Variants in ANKRD31 observed in about 807,000 individuals in gnomAD.
The protein encoded by ANKRD31 is ankyrin repeat domain 31, also known as ankyrin repeat domain-containing protein 31.
ANKRD31 carries 147 observed loss-of-function variants against 186.0 expected under a neutral mutation model. The ratio of observed to expected loss-of-function variants is 0.79; its 90% confidence interval spans 0.69 to 0.91. The LOEUF is 0.91. Among genes scored for constraint, ANKRD31 ranks in the 40% least tolerant of loss-of-function variants. The pLI is 0.00. For missense variants in ANKRD31, 1,986 were observed against 2,148.8 expected, an observed-to-expected ratio of 0.92 and a Z score of 1.50; for synonymous variants, 673 against 736.4, an observed-to-expected ratio of 0.91 and a Z score of 1.39.
intron 10 of ANKRD31, among the ~76,000 whole-genome samples, chr5:75,183,449 T>C (rs1354965291): frequency 6.6e-6 from 1 of 152,018 alleles, no homozygotes; most frequent in Non-Finnish European, 1.5e-5. Flanking sequence ...ATAAAAGGTG[T>C]CCAAATGGGA....
Position 75,118,940 on chromosome 5 carries a change from T to C in ANKRD31, c.3877-643A>G, listed in dbSNP as rs374907696. Among the ~76,000 whole-genome samples, 3 of 152,166 alleles carry C rather than the reference T, an allele frequency of 2.0e-5. No homozygotes were observed. The East Asian group carries it at 5.8e-4, about 29-fold the overall frequency. ...TTCAGGGCTATATTACAAACAACAT[T>C]ATAAATTGTGATTAGACATAGTTGA... is the stretch of plus-strand genomic sequence containing the variant. On this transcript the variant is annotated intron_variant, in intron 17 of 25. Transcript: ENST00000506364.
intron 11 of ANKRD31, among the ~76,000 whole-genome samples, chr5:75,163,771 T>C (rs917221565): frequency 6.6e-5 from 10 of 152,178 alleles, no homozygotes; most frequent in Non-Finnish European, 1.2e-4. Flanking sequence ...TGAAAAGCCA[T>C]GGGCAAGCTT....
chr5:75,080,734 C>T, intron 24 of ANKRD31, 95 bp from the exon 25 acceptor site: 1 of 641,500 alleles, frequency 1.6e-6, no homozygotes, highest in Non-Finnish European at 2.5e-6. Context: ...ATGGGAAATA[C>T]AAATAGCTCT....
At chr5:75,223,013 CCCTGTACTGTCTT>C (rs1757399148) in intron 2 of ANKRD31, among the ~76,000 whole-genome samples, 1 of 152,276 alleles carries the variant, frequency 6.6e-6, no homozygotes, top group East Asian at 1.9e-4. Context: ...CTTGAGGAAT[CCCTGTACTGTCTT>C]CCACAATGGT....
chr5:75,162,702 A>G (rs79752628), intron 11 of ANKRD31, among the ~76,000 whole-genome samples: 16,158 of 151,974 alleles, frequency 0.11, 884 homozygotes, highest in East Asian at 0.14. Context: ...TGTGGGAGGG[A>G]CCTGGTGGGA....
At chr5:75,078,710 C>A (rs1744851941) in intron 25 of ANKRD31, among the ~76,000 whole-genome samples, 1 of 152,090 alleles carries the variant, frequency 6.6e-6, no homozygotes, top group African/African-American at 2.4e-5. Context: ...AAAGAAATAA[C>A]TTTGTGAAAA....
At chr5:75,210,122 G>A (rs1156712173) in intron 4 of ANKRD31, among the ~76,000 whole-genome samples, 1 of 152,140 alleles carries the variant, frequency 6.6e-6, no homozygotes, top group Non-Finnish European at 1.5e-5. Flanking sequence ...TAAAAGAACT[G>A]AAAGGACAGT....
At chr5:75,206,371 A>C in intron 5 of ANKRD31, 40 bp downstream of exon 5, 1 of 1,247,500 alleles carries the variant, frequency 8.0e-7, no homozygotes, top group Non-Finnish European at 1.0e-6. Flanking sequence ...TTTTAGGCAA[A>C]GACTAATTTC....
At chr5:75,131,227 AC>A (rs1260940330) in intron 17 of ANKRD31, among the ~76,000 whole-genome samples, 2 of 152,140 alleles carry the variant, frequency 1.3e-5, no homozygotes, top group African/African-American at 2.4e-5. Context: ...AGGGGCCCCC[AC>A]AGTGCAACGG....
chr5:75,073,732 G>A (rs1297119462), intron 25 of ANKRD31, among the ~76,000 whole-genome samples: 2 of 152,164 alleles, frequency 1.3e-5, no homozygotes, highest in Non-Finnish European at 2.9e-5. Context: ...CTGTAAAACT[G>A]TAAAGTGTTA....
intron 17 of ANKRD31, among the ~76,000 whole-genome samples, chr5:75,135,286 T>A (rs1023649527): frequency 4.4e-4 from 67 of 152,136 alleles, no homozygotes; most frequent in Non-Finnish European, 7.5e-4. Context: ...CAGCCCAAAA[T>A]CTCCTTAAGC....
chr5:75,181,894 T>TAA (rs58894142), intron 10 of ANKRD31, among the ~76,000 whole-genome samples: 52 of 148,952 alleles, frequency 3.5e-4, no homozygotes, highest in African/African-American at 8.3e-4. Flanking sequence ...ATAGTAATGA[T>TAA]AAAAAAAAAG....
intron 10 of ANKRD31, among the ~76,000 whole-genome samples, chr5:75,173,487 G>C (rs61904766): frequency 0.51 from 77,170 of 151,940 alleles, 22,660 homozygotes; most frequent in African/African-American, 0.82. Context: ...AAAACCCCAT[G>C]GTCTCAGCCC....
chr5:75,103,031 G>A (rs1197673644), intron 22 of ANKRD31, among the ~76,000 whole-genome samples: 1 of 152,132 alleles, frequency 6.6e-6, no homozygotes, highest in Non-Finnish European at 1.5e-5. Flanking sequence ...CTGTAGACTG[G>A]AGCTGTTCCT....
intron 6 of ANKRD31, among the ~76,000 whole-genome samples, chr5:75,198,050 C>G (rs982005773): frequency 1.2e-4 from 19 of 152,170 alleles, no homozygotes; most frequent in African/African-American, 4.6e-4. Context: ...AACCTGACCA[C>G]TGGTACTCTT....
chr5:75,191,317 T>C (rs1755094653), intron 9 of ANKRD31, among the ~76,000 whole-genome samples: 1 of 152,154 alleles, frequency 6.6e-6, no homozygotes, highest in Admixed American at 6.6e-5. Flanking sequence ...AGCTGGCTTC[T>C]ACATCTAAAC....
rs538037858 is a variant in ANKRD31 at position 75,157,148 on chromosome 5, A to G, written c.1708-2803T>C. ...GAACCTGTATCATCTTAGATAATGC[A>G]TATATCATCATGAACACAATGTTGG... On this transcript the variant is annotated intron_variant, in intron 11 of 25. Coordinates refer to ENST00000506364, the MANE Select transcript of ANKRD31 (RefSeq NM_001372053.1). Among the ~76,000 whole-genome samples, 40 of 152,306 alleles carry G rather than the reference A, an allele frequency of 2.6e-4. No homozygotes were observed. In the South Asian group the frequency reaches 4.1e-3, roughly 16 times the overall value.
At position 75,192,652 on chromosome 5, in the gene ANKRD31, C is replaced by G. The variant is rs1333269630; in HGVS notation, c.1408+15G>C. ...TTTGTAAAAGAAATAGAAAAATACT[C>G]AAAATATGCATCACCTTTTTTTCCT... On this transcript the variant is annotated intron_variant, in intron 9 of 25. Coordinates refer to ENST00000506364, the MANE Select transcript of ANKRD31 (RefSeq NM_001372053.1). 1 of 1,468,068 alleles carries G rather than the reference C, an allele frequency of 6.8e-7. No homozygotes were observed. The highest frequency in any genetic ancestry group is 1.3e-5 in the South Asian group (1 of 79,412). 90.9% of individuals were successfully genotyped at this position (1,468,068 alleles called of 1,614,324 possible). A position where few individuals can be genotyped will look rare whatever the true frequency, so the allele number is the denominator to read the frequency against.
chr5:75,107,621 G>A lies in ANKRD31; in HGVS notation c.4244-4C>T, dbSNP rs1018097687. ...AACATCTTTTCAATGTATTGTTCTA[G>A]AAACATGACAATAAAAAGTTAGCTA... On this transcript the variant is annotated splice_region_variant and splice_polypyrimidine_tract_variant and intron_variant, in intron 20 of 25. Coordinates refer to ENST00000506364, the MANE Select transcript of ANKRD31 (RefSeq NM_001372053.1). 2.8e-5 allele frequency: 42 copies of A among 1,484,666 alleles called. No individual in the cohort carries two copies. The highest frequency in any genetic ancestry group is 3.3e-5 in the Non-Finnish European group (37 of 1,116,262). 92.0% of individuals were successfully genotyped at this position (1,484,666 alleles called of 1,614,324 possible). A position where few individuals can be genotyped will look rare whatever the true frequency, so the allele number is the denominator to read the frequency against.
Sources: allele counts gnomAD v4.1 joint callset (sites outside exome capture counted in the v4.1 genomes callset), GRCh38; gene constraint gnomAD v4.1.1; transcripts MANE v1.5; gene names NCBI Gene and HGNC (gene_info 2026-07-23, HGNC 2026-07-21).